The following PRIMPOL variants were observed in gnomAD, a reference collection of about 807,000 sequenced individuals.
PRIMPOL encodes primase and DNA directed polymerase, also known as DNA-directed primase/polymerase protein.
In PRIMPOL, 54 loss-of-function variants were observed where a neutral mutation model predicts 63.6. That is an observed-to-expected ratio of 0.85 (90% CI 0.68 to 1.07). The LOEUF (loss-of-function observed/expected upper bound fraction) is 1.07, where lower values mean the gene tolerates loss of function less well. Ranked by LOEUF, PRIMPOL falls within the 50% of genes least tolerant of loss-of-function variation. The pLI is 0.00. For missense variants in PRIMPOL, 610 were observed against 648.3 expected (o/e 0.94, Z 0.64); for synonymous variants, 197 against 220.2 (o/e 0.89, Z 0.93).
intron 11 of PRIMPOL, among the ~76,000 whole-genome samples, chr4:184,688,633 G>T (rs1228216203): frequency 6.6e-6 from 1 of 152,222 alleles, no homozygotes; most frequent in African/African-American, 2.4e-5. Flanking sequence ...CACACAGCAG[G>T]AAGCACCGAG....
intron 2 of PRIMPOL, among the ~76,000 whole-genome samples, chr4:184,654,681 T>C (rs13119578): frequency 0.027 from 4,119 of 152,170 alleles, 89 homozygotes; most frequent in Non-Finnish European, 0.041. Context: ...CTCGATCTCC[T>C]GACCTTGTGA....
At chr4:184,682,762 AC>A (rs1755966165) in intron 9 of PRIMPOL, among the ~76,000 whole-genome samples, 1 of 152,056 alleles carries the variant, frequency 6.6e-6, no homozygotes, top group Admixed American at 6.6e-5. Context: ...TTCAAAAACT[AC>A]CTCTAGCCAA....
intron 7 of PRIMPOL, among the ~76,000 whole-genome samples, chr4:184,674,452 A>G (rs1466981127): frequency 6.6e-6 from 1 of 152,136 alleles, no homozygotes; most frequent in African/African-American, 2.4e-5. Context: ...CCTCTGTCCC[A>G]GGGGCAACAA....
At chr4:184,693,489 G>A (rs1465305642) in intron 13 of PRIMPOL, among the ~76,000 whole-genome samples, 2 of 152,148 alleles carry the variant, frequency 1.3e-5, no homozygotes, top group African/African-American at 4.8e-5. Flanking sequence ...CCATGTAGCT[G>A]TCACTTAGTT....
intron 1 of PRIMPOL, among the ~76,000 whole-genome samples, chr4:184,650,319 A>C (rs1244546076): frequency 2.0e-5 from 3 of 152,254 alleles, no homozygotes; most frequent in Admixed American, 2.0e-4. Flanking sequence ...AGTGAAGAAG[A>C]GGAAAAGAAG....
Position 184,694,617 on chromosome 4 carries a change from A to G in PRIMPOL, c.1521A>G (p.Ala507=). The change falls in exon 14 of 14, where the codon GCA becomes GCG. Residue 507 remains alanine, a synonymous_variant. Coordinates refer to ENST00000314970, the MANE Select transcript of PRIMPOL (RefSeq NM_152683.4). The part of the protein sequence containing the change: ...KPSPSRLSTG[A]SADAVWDNGI... ...CACCTAGCAGGCTGTCAACAGGTGC[A>G]TCTGCTGATGCTGTCTGGGATAATG... The G allele has an allele frequency of 6.2e-7, 1 of 1,614,194 alleles. No homozygotes were observed. The highest frequency in any genetic ancestry group is 2.2e-5 in the East Asian group (1 of 44,884).
chr4:184,680,268 ACCTCT>A (rs1195422061), intron 8 of PRIMPOL, among the ~76,000 whole-genome samples: 1 of 152,038 alleles, frequency 6.6e-6, no homozygotes, highest in African/African-American at 2.4e-5. Flanking sequence ...GCTTACTGCA[ACCTCT>A]GCCTCACAGG....
At chr4:184,661,933 T>TCTAC (rs1560962807) in intron 5 of PRIMPOL, 30 bp downstream of exon 5, 7 of 1,458,958 alleles carry the variant, frequency 4.8e-6, no homozygotes, top group Non-Finnish European at 5.5e-6. Flanking sequence ...TTTTCTTATT[T>TCTAC]CTATCCATCT....
chr4:184,669,947 A>G (rs1182141117), intron 6 of PRIMPOL, among the ~76,000 whole-genome samples: 1 of 152,214 alleles, frequency 6.6e-6, no homozygotes, highest in Non-Finnish European at 1.5e-5. Flanking sequence ...TCAGCCTTTC[A>G]GAAAAGAGAA....
At chr4:184,684,647 A>G (rs1471941276) in intron 9 of PRIMPOL, among the ~76,000 whole-genome samples, 6 of 152,028 alleles carry the variant, frequency 3.9e-5, no homozygotes, top group African/African-American at 7.2e-5. Context: ...AAACTTCAGT[A>G]AAGTGGGGCA....
At chr4:184,655,200 G>A (rs562001883) in intron 2 of PRIMPOL, among the ~76,000 whole-genome samples, 1 of 151,966 alleles carries the variant, frequency 6.6e-6, no homozygotes, top group East Asian at 1.9e-4. Context: ...AGTAGAGACG[G>A]GGTTTCACCA....
chr4:184,685,730 T>G (rs1490825356), intron 11 of PRIMPOL, 46 bp downstream of exon 11: 1 of 799,318 alleles, frequency 1.3e-6, no homozygotes. Flanking sequence ...ATATTATATT[T>G]TAAATATTTA....
chr4:184,688,819 G>A (rs1048807007), intron 11 of PRIMPOL, among the ~76,000 whole-genome samples: 2 of 152,086 alleles, frequency 1.3e-5, no homozygotes, highest in South Asian at 2.1e-4. Flanking sequence ...TGGTCCAGAC[G>A]TTCCCCGATT....
At chr4:184,657,551 G>A (rs956327744) in intron 3 of PRIMPOL, 2 of 423,734 alleles carry the variant, frequency 4.7e-6, no homozygotes, top group African/African-American at 4.1e-5. Flanking sequence ...GAAAAAGAAT[G>A]ACACATCTAG....
chr4:184,665,589 C>T (rs535221192), intron 5 of PRIMPOL, among the ~76,000 whole-genome samples: 11 of 151,464 alleles, frequency 7.3e-5, no homozygotes, highest in Admixed American at 3.9e-4. Context: ...CTGCAATCTC[C>T]GCCTCCTGGG....
At chr4:184,671,284 G>A (rs541459652) in intron 6 of PRIMPOL, among the ~76,000 whole-genome samples, 17 of 152,252 alleles carry the variant, frequency 1.1e-4, no homozygotes, top group Non-Finnish European at 1.9e-4. Flanking sequence ...AGGGGCTGAC[G>A]GCTGTGAGAG....
chr4:184,671,183 A>C (rs1398271547), intron 6 of PRIMPOL, among the ~76,000 whole-genome samples: 4 of 152,134 alleles, frequency 2.6e-5, no homozygotes, highest in African/African-American at 7.2e-5. Context: ...AAGTGCAGTA[A>C]ATGTATCGAA....
intron 11 of PRIMPOL, among the ~76,000 whole-genome samples, chr4:184,691,182 AG>A (rs1758424935): frequency 6.6e-6 from 1 of 152,044 alleles, no homozygotes; most frequent in Non-Finnish European, 1.5e-5. Context: ...GATTTATGGT[AG>A]ATTTGTTTAT....
intron 8 of PRIMPOL, among the ~76,000 whole-genome samples, chr4:184,680,573 C>G (rs1755356097): frequency 6.6e-6 from 1 of 152,092 alleles, no homozygotes; most frequent in Non-Finnish European, 1.5e-5. Flanking sequence ...TCAGGTTGTA[C>G]AGTTAACAGC....
Sources: allele counts gnomAD v4.1 joint callset (sites outside exome capture counted in the v4.1 genomes callset), GRCh38; gene constraint gnomAD v4.1.1; transcripts MANE v1.5; gene names NCBI Gene and HGNC (gene_info 2026-07-23, HGNC 2026-07-21).